Variants in PRDM15 observed in about 807,000 individuals in gnomAD.
The protein encoded by PRDM15 is PR/SET domain 15.
In PRDM15, 64 loss-of-function variants were observed where a neutral mutation model predicts 128.6. That is an observed-to-expected ratio of 0.50 (90% CI 0.41 to 0.61). PRDM15 has a LOEUF of 0.61. Among genes scored for constraint, PRDM15 ranks in the 20% least tolerant of loss-of-function variants. PRDM15 has a pLI of 0.00. For synonymous variants in PRDM15, 615 were observed against 621.8 expected, an observed-to-expected ratio of 0.99 and a Z score of 0.16; for missense variants, 1,242 against 1,569.1, an observed-to-expected ratio of 0.79 and a Z score of 3.52.
rs1038671257 is a variant in PRDM15, at chr21:41,810,024, C to A, written c.2652+130G>T. 7 of 871,022 alleles carry A rather than the reference C, an allele frequency of 8.0e-6. No homozygotes were observed. The highest frequency in any genetic ancestry group is 2.7e-5 in the Admixed American group (1 of 36,958). 54.0% of individuals were successfully genotyped at this position (871,022 alleles called of 1,614,324 possible). A position where few individuals can be genotyped will look rare whatever the true frequency, so the allele number is the denominator to read the frequency against. On this transcript the variant is annotated intron_variant, in intron 21 of 23. Coordinates refer to ENST00000398548, the MANE Select transcript of PRDM15 (RefSeq NM_001040424.3). The surrounding 1 kb of genome is among the most constrained non-coding windows in gnomAD (Gnocchi z 6.4). ...TGTGGCAGGCAGTGCCAGTCACAGA[C>A]GCACCTAAGACTCAGGGCCTGCCTC... is the stretch of plus-strand genomic sequence containing the variant.
chr21:41,846,626 G>C (rs2063273265), intron 6 of PRDM15, among the ~76,000 whole-genome samples: 1 of 152,238 alleles, frequency 6.6e-6, no homozygotes, highest in African/African-American at 2.4e-5. Flanking sequence ...GAGCCTGTCA[G>C]GTCAAGGCTG....
chr21:41,823,462 A>G lies in PRDM15; in HGVS notation c.1630-13T>C, dbSNP rs184239501. The stretch of plus-strand genomic sequence containing the variant: ...GGCAGGAGAACACCTGTGGCAGAGG[A>G]GCCGCATGGTGAGGGGCTGCGGCGT... On this transcript the variant is annotated splice_polypyrimidine_tract_variant and intron_variant, in intron 13 of 23. Coordinates refer to ENST00000398548, the MANE Select transcript of PRDM15 (RefSeq NM_001040424.3). 1,625 of 1,548,148 alleles carry G rather than the reference A, an allele frequency of 1.0e-3. 3 individuals carry two copies. The highest frequency in any genetic ancestry group is 1.3e-3 in the Non-Finnish European group (1,444 of 1,146,474).
At chr21:41,848,633 G>C (rs1157205918) in intron 5 of PRDM15, among the ~76,000 whole-genome samples, 1 of 152,182 alleles carries the variant, frequency 6.6e-6, no homozygotes, top group African/African-American at 2.4e-5. Context: ...AGAAAAAGAG[G>C]ACAAGGGCCC....
At chr21:41,878,578 G>C (rs2064507324) in intron 1 of PRDM15, 2 of 521,310 alleles carry the variant, frequency 3.8e-6, no homozygotes, top group Non-Finnish European at 6.2e-6. Context: ...CCCCGTCCCC[G>C]AACGGCCACC....
At chr21:41,843,534 T>C (rs1202881712) in intron 6 of PRDM15, among the ~76,000 whole-genome samples, 1 of 152,172 alleles carries the variant, frequency 6.6e-6, no homozygotes, top group East Asian at 1.9e-4. Context: ...TTCGCCAACT[T>C]CTGAGCCCCA....
chr21:41,859,306 T>G lies in PRDM15; in HGVS notation c.131+286A>C. The G allele has an allele frequency of 7.4e-7, 1 of 1,344,994 alleles. No homozygotes were observed. The highest frequency in any genetic ancestry group is 1.0e-6 in the Non-Finnish European group (1 of 955,078). 83.3% of individuals were successfully genotyped at this position (1,344,994 alleles called of 1,614,324 possible). On this transcript the variant is annotated intron_variant, in intron 3 of 23. Coordinates refer to ENST00000398548, the MANE Select transcript of PRDM15 (RefSeq NM_001040424.3). This position sits in a 1 kb window ranked among gnomAD's most constrained non-coding sequence, Gnocchi z 5.3. ...TCAGCACGTCAACCACCTTGGCAAG[T>G]CCACTCTTCTGCAGCCTCCACACAC... is the stretch of plus-strand genomic sequence containing the variant.
At chr21:41,830,761 A>G (rs118197973) in intron 11 of PRDM15, among the ~76,000 whole-genome samples, 2 of 152,168 alleles carry the variant, frequency 1.3e-5, no homozygotes, top group Non-Finnish European at 2.9e-5. Flanking sequence ...AGAAACACCT[A>G]TATCCCTGCA....
At chr21:41,852,079 C>T (rs1050177281) in intron 5 of PRDM15, among the ~76,000 whole-genome samples, 1 of 152,208 alleles carries the variant, frequency 6.6e-6, no homozygotes, top group Non-Finnish European at 1.5e-5. Flanking sequence ...ACCACAGTCC[C>T]AGGCTGACTT....
At chr21:41,877,802 C>T (rs2064475121) in intron 1 of PRDM15, among the ~76,000 whole-genome samples, 1 of 152,212 alleles carries the variant, frequency 6.6e-6, no homozygotes, top group South Asian at 2.1e-4. Context: ...CAAAATGGAA[C>T]ATTTAGCTTG....
intron 5 of PRDM15, among the ~76,000 whole-genome samples, chr21:41,851,087 A>G (rs1351091347): frequency 6.6e-6 from 1 of 151,530 alleles, no homozygotes; most frequent in African/African-American, 2.4e-5. Flanking sequence ...GGCCACTCAC[A>G]TCACTCTGCC....
intron 1 of PRDM15, among the ~76,000 whole-genome samples, chr21:41,864,126 G>T (rs2063918111): frequency 6.6e-6 from 1 of 152,166 alleles, no homozygotes; most frequent in Non-Finnish European, 1.5e-5. Context: ...ACAGGTGTCA[G>T]CCACCGCGCC....
At chr21:41,824,528 G>A (rs2062398653) in intron 13 of PRDM15, among the ~76,000 whole-genome samples, 1 of 26,132 alleles carries the variant, frequency 3.8e-5, no homozygotes, top group Admixed American at 3.4e-4. Flanking sequence ...TGGATGTCAG[G>A]CACAGATTGT....
chr21:41,819,994 T>G (rs1601193246), intron 17 of PRDM15, 101 bp downstream of exon 17: 1 of 989,532 alleles, frequency 1.0e-6, no homozygotes, highest in Non-Finnish European at 1.5e-6. Flanking sequence ...GGAGGCAAGG[T>G]GCGACGGCTC....
intron 1 of PRDM15, among the ~76,000 whole-genome samples, chr21:41,873,642 G>A (rs969251305): frequency 2.6e-5 from 4 of 151,994 alleles, no homozygotes; most frequent in African/African-American, 7.3e-5. Flanking sequence ...TTTCTTCTCC[G>A]TTCTCACTTT....
At chr21:41,830,752 G>A (rs1386818194) in intron 11 of PRDM15, among the ~76,000 whole-genome samples, 1 of 152,096 alleles carries the variant, frequency 6.6e-6, no homozygotes, top group Non-Finnish European at 1.5e-5. Context: ...GAAGCTTCCA[G>A]AAACACCTAT....
intron 1 of PRDM15, among the ~76,000 whole-genome samples, chr21:41,876,351 G>C (rs983616093): frequency 2.6e-5 from 4 of 152,218 alleles, no homozygotes; most frequent in African/African-American, 9.6e-5. Context: ...GCACAGAGAA[G>C]CTGGTTCCAG....
At chr21:41,876,497 G>A (rs113969130) in intron 1 of PRDM15, among the ~76,000 whole-genome samples, 3,844 of 152,082 alleles carry the variant, frequency 0.025, 87 homozygotes, top group Middle Eastern at 0.051. Flanking sequence ...TGGTGTAGAG[G>A]CTCCCGCAGC....
rs1388571931 is a variant in PRDM15 at position 41,821,192 on chromosome 21, G to A, written c.1935C>T (p.Ile645=). The A allele has an allele frequency of 8.1e-6, 13 of 1,614,080 alleles. No individual in the cohort carries two copies. The Middle Eastern group carries it at 6.6e-4, about 82-fold the overall frequency. ...FGRGKEYLKH[I]MEVHKEKGYG... ...AGCCCTTCTCCTTGTGCACCTCCAT[G>A]ATGTGCTTCAGGTACTCCTTCCCCC... is the stretch of plus-strand genomic sequence containing the variant. Residue 645 remains isoleucine (I), a synonymous_variant, in exon 16 of 24, where the codon ATC becomes ATT. Transcript: ENST00000398548. This position sits in a 1 kb window ranked among gnomAD's most constrained non-coding sequence, Gnocchi z 5.4.
chr21:41,857,164 A>C lies in PRDM15; in HGVS notation c.285+12T>G, dbSNP rs1274565879. 11 of 1,595,714 alleles carry C rather than the reference A, an allele frequency of 6.9e-6. No homozygotes were observed. Among genetic ancestry groups the C allele is most frequent in the Non-Finnish European group, 9.4e-6 (11 of 1,168,656 alleles). On this transcript the variant is annotated intron_variant, in intron 4 of 23. Coordinates refer to ENST00000398548, the MANE Select transcript of PRDM15 (RefSeq NM_001040424.3). ...CCCAGTTCCTGAGCTCCTGTTTGGC[A>C]ACAGCCTTTACCTTCAGGGGAAATG...
Sources: allele counts gnomAD v4.1 joint callset (sites outside exome capture counted in the v4.1 genomes callset), GRCh38; gene constraint gnomAD v4.1.1; non-coding constraint Gnocchi (gnomAD v3.1); transcripts MANE v1.5; gene names NCBI Gene and HGNC (gene_info 2026-07-23, HGNC 2026-07-21).